LRRIQ1: variants seen among roughly 807,000 people sequenced by gnomAD.
LRRIQ1 encodes leucine rich repeats and IQ motif containing 1.
A neutral mutation model predicts 211.9 loss-of-function variants in LRRIQ1; 210 were observed. The observed-to-expected ratio is 0.99, with a 90% CI of 0.89 to 1.11. The LOEUF (loss-of-function observed/expected upper bound fraction) is 1.11, where lower values mean the gene tolerates loss of function less well. Among genes scored for constraint, LRRIQ1 ranks in the 50% most tolerant of loss-of-function variants. The probability of loss-of-function intolerance (pLI) is 0.00; values close to 1 mark genes in which losing one functional copy is unlikely to be tolerated. For synonymous variants in LRRIQ1, 699 were observed against 650.1 expected, an observed-to-expected ratio of 1.08 and a Z score of -1.14; for missense variants, 2,136 against 1,939.5, an observed-to-expected ratio of 1.10 and a Z score of -1.90.
intron 19 of LRRIQ1, among the ~76,000 whole-genome samples, chr12:85,140,460 G>A (rs375881796): frequency 2.0e-5 from 3 of 151,116 alleles, no homozygotes; most frequent in East Asian, 1.9e-4. Flanking sequence ...CAACCACTTT[G>A]CTGAAATCAC....
At chr12:85,205,496 G>C (rs1293728796) in intron 24 of LRRIQ1, among the ~76,000 whole-genome samples, 1 of 151,960 alleles carries the variant, frequency 6.6e-6, no homozygotes, top group Non-Finnish European at 1.5e-5. Flanking sequence ...TTCCTTTGTG[G>C]GTGACCTGCC....
intron 17 of LRRIQ1, among the ~76,000 whole-genome samples, chr12:85,127,126 T>A (rs1012378501): frequency 2.0e-5 from 3 of 152,202 alleles, no homozygotes; most frequent in African/African-American, 7.2e-5. Context: ...CATTTCTGAT[T>A]AGTAAGAGTT....
intron 18 of LRRIQ1, among the ~76,000 whole-genome samples, chr12:85,134,119 G>A (rs1690835): frequency 0.56 from 85,434 of 151,924 alleles, 25,192 homozygotes; most frequent in African/African-American, 0.75. Context: ...ATGCATAGAA[G>A]ACAGCAGTTG....
chr12:85,135,202 T>G (rs1889037075), intron 18 of LRRIQ1, among the ~76,000 whole-genome samples: 1 of 152,092 alleles, frequency 6.6e-6, no homozygotes, highest in South Asian at 2.1e-4. Context: ...TCCTATAGGG[T>G]TTTCCAATTT....
intron 11 of LRRIQ1, among the ~76,000 whole-genome samples, chr12:85,086,183 A>G (rs985671511): frequency 6.6e-6 from 1 of 152,196 alleles, no homozygotes; most frequent in African/African-American, 2.4e-5. Context: ...CTCTAATGAT[A>G]AGTGACGCAG....
chr12:85,115,826 T>C (rs1252217051), intron 15 of LRRIQ1, among the ~76,000 whole-genome samples: 1 of 152,156 alleles, frequency 6.6e-6, no homozygotes, highest in Admixed American at 6.5e-5. Context: ...AAATATTTTT[T>C]ATTAAATAAA....
chr12:85,196,999 C>T (rs1892953450), intron 24 of LRRIQ1, among the ~76,000 whole-genome samples: 1 of 150,846 alleles, frequency 6.6e-6, no homozygotes, highest in African/African-American at 2.4e-5. Context: ...CAAACAACCC[C>T]ATCAAAAAGT....
chr12:85,270,434 C>T, the LRRIQ1 span, among the ~76,000 whole-genome samples: 2,223 of 152,108 alleles, frequency 0.015, 50 homozygotes, highest in African/African-American at 0.049. Flanking sequence ...AACACACTTA[C>T]CTTAATGCAG....
At chr12:85,114,491 AT>A (rs1179197859) in intron 15 of LRRIQ1, among the ~76,000 whole-genome samples, 6 of 152,154 alleles carry the variant, frequency 3.9e-5, no homozygotes, top group Non-Finnish European at 8.8e-5. Context: ...ATTTTTTATC[AT>A]TTTGTTTGCA....
At chr12:85,100,772 G>A (rs1592796690) in intron 13 of LRRIQ1, among the ~76,000 whole-genome samples, 1 of 151,728 alleles carries the variant, frequency 6.6e-6, no homozygotes, top group Non-Finnish European at 1.5e-5. Flanking sequence ...GTCATTGATA[G>A]CAAAGGACAT....
At chr12:85,174,997 T>G (rs1457571340) in intron 24 of LRRIQ1, among the ~76,000 whole-genome samples, 1 of 152,080 alleles carries the variant, frequency 6.6e-6, no homozygotes, top group Non-Finnish European at 1.5e-5. Context: ...ATATTGAATT[T>G]CCCAACAGTA....
In LRRIQ1 at chr12:85,128,088, A is replaced by G. The variant is rs571698551; in HGVS notation, c.4209+55A>G. ...ACAAAAGATATATTAGTTGTCTTTC[A>G]TGATTTATTCTGTATTAAAAATAAC... On this transcript the variant is annotated intron_variant, in intron 18 of 26. Transcript: ENST00000393217. 1.3e-4 allele frequency: 163 copies of G among 1,271,192 alleles called. No individual in the cohort carries two copies. In the African/African-American group the frequency reaches 1.9e-3, roughly 15 times the overall value. 78.7% of individuals were successfully genotyped at this position (1,271,192 alleles called of 1,614,324 possible). A position where few individuals can be genotyped will look rare whatever the true frequency, so the allele number is the denominator to read the frequency against.
chr12:85,163,941 T>G (rs766670878), intron 24 of LRRIQ1, among the ~76,000 whole-genome samples: 1 of 152,192 alleles, frequency 6.6e-6, no homozygotes, highest in Non-Finnish European at 1.5e-5. Flanking sequence ...CAGAGTCACC[T>G]CATATATGTG....
intron 17 of LRRIQ1, among the ~76,000 whole-genome samples, chr12:85,125,614 G>A (rs1474658929): frequency 2.0e-5 from 3 of 151,986 alleles, no homozygotes; most frequent in Non-Finnish European, 4.4e-5. Flanking sequence ...AAGTTGTCAG[G>A]GTAAAGAGTA....
chr12:85,154,092 TA>T lies in LRRIQ1; in HGVS notation c.4719del (p.Ile1573MetfsTer7), dbSNP rs1473978993. ...KMKSKKLKKK[I>X]DSTVRLALFK... is the part of the protein sequence containing the mutation. ...AAATCGAAGAAACTAAAGAAAAAAA[TA>T]GGTGAGTAATTAGTGCTCTTTGAAT... is the stretch of plus-strand genomic sequence containing the variant. On this transcript the variant is annotated frameshift_variant and splice_region_variant, in exon 23 of 27. Coordinates refer to ENST00000393217, the MANE Select transcript of LRRIQ1 (RefSeq NM_001079910.2). LOFTEE classifies it high-confidence loss of function. 6.5e-6 allele frequency: 10 copies of T among 1,544,318 alleles called. No individual in the cohort carries two copies. The highest frequency in any genetic ancestry group is 8.8e-6 in the Non-Finnish European group (10 of 1,138,544).
intron 24 of LRRIQ1, among the ~76,000 whole-genome samples, chr12:85,210,185 C>T (rs73165922): frequency 0.029 from 4,452 of 152,164 alleles, 73 homozygotes; most frequent in Middle Eastern, 0.075. Context: ...AATAAACATT[C>T]CAGTCCTAGG....
chr12:85,074,776 T>C (rs976493352), intron 11 of LRRIQ1, among the ~76,000 whole-genome samples: 1 of 152,142 alleles, frequency 6.6e-6, no homozygotes, highest in African/African-American at 2.4e-5. Context: ...ATTGAATGAA[T>C]GTTGCCACAT....
At chr12:85,132,364 A>G (rs1888827516) in intron 18 of LRRIQ1, among the ~76,000 whole-genome samples, 1 of 152,128 alleles carries the variant, frequency 6.6e-6, no homozygotes, top group African/African-American at 2.4e-5. Flanking sequence ...AGAGGAAGGG[A>G]TATGCAGGGT....
At chr12:85,105,816 G>T (rs34203742) in intron 14 of LRRIQ1, among the ~76,000 whole-genome samples, 5,613 of 81,600 alleles carry the variant, frequency 0.069, 168 homozygotes, top group Admixed American at 0.1. Context: ...TTTTTTTTGA[G>T]ACAGAGTTTC....
Sources: gnomAD v4.1 joint callset for allele counts (sites outside exome capture counted in the v4.1 genomes callset) on GRCh38, gnomAD v4.1.1 for gene constraint, MANE v1.5 for transcripts, NCBI Gene and HGNC (gene_info 2026-07-23, HGNC 2026-07-21) for gene names.